The following ARHGEF40 variants were observed in gnomAD, a reference collection of about 807,000 sequenced individuals.
ARHGEF40 encodes the protein Rho guanine nucleotide exchange factor (GEF) 40.
A neutral mutation model predicts 165.9 loss-of-function variants in ARHGEF40; 98 were observed. The ratio of observed to expected loss-of-function variants is 0.59; its 90% CI spans 0.50 to 0.70. The LOEUF is 0.70. Ranked by LOEUF, ARHGEF40 falls within the 30% of genes least tolerant of loss-of-function variation. The probability of loss-of-function intolerance (pLI) is 0.00; values close to 1 mark genes in which losing one functional copy is unlikely to be tolerated. For synonymous variants in ARHGEF40, 792 were observed against 814.3 expected, an observed-to-expected ratio of 0.97 and a Z score of 0.47; for missense variants, 1,815 against 1,968.0, an observed-to-expected ratio of 0.92 and a Z score of 1.47.
chr14:21,068,709 T>C (rs1205220580), upstream of ARHGEF40, among the ~76,000 whole-genome samples: 1 of 152,116 alleles, frequency 6.6e-6, no homozygotes, highest in Non-Finnish European at 1.5e-5. Flanking sequence ...TAGCCGGGTG[T>C]TAGAAAGAGC....
intron 17 of ARHGEF40, among the ~76,000 whole-genome samples, chr14:21,084,504 C>T (rs767361460): frequency 2.6e-5 from 4 of 152,174 alleles, no homozygotes; most frequent in Non-Finnish European, 5.9e-5. Context: ...AAAGGCTTCC[C>T]CACAGGTGGC....
At position 21,073,178 on chromosome 14, in the gene ARHGEF40, G is replaced by C; in HGVS notation, c.137G>C (p.Arg46Thr). ...AGGACTTATCGGGAGGACGCACTGAGGTACACGCTGGACTTCCTGGTACCA... is the reference window on the plus strand; with the variant it reads ...AGGACTTATCGGGAGGACGCACTGACGTACACGCTGGACTTCCTGGTACCA... Reference protein sequence around the residue: ...VERTYREDALRYTLDFLVPAK... With the variant: ...VERTYREDALTYTLDFLVPAK... The change falls in exon 2 of 24, where the codon AGG (arginine) becomes ACG (threonine). Residue 46 changes from arginine (R) to threonine (T), a missense_variant. Transcript: ENST00000298694. The surrounding 1 kb of genome is among the most constrained non-coding windows in gnomAD (Gnocchi z 4.6). 1 of 1,614,062 alleles carries C rather than the reference G, an allele frequency of 6.2e-7. No individual in the cohort carries two copies. The highest frequency in any genetic ancestry group is 8.5e-7 in the Non-Finnish European group (1 of 1,179,992).
In ARHGEF40 at chr14:21,080,669, T is replaced by C; in HGVS notation, c.2383T>C (p.Trp795Arg). ...ACCCCATCTGCCTCAGGTGTTGCAG[T>C]GGCTCTCGGGCCCAGGGGAGGAGCA... ...CLRRLQQVLQ[W>R]LSGPGEEQLA... Residue 795 changes from tryptophan to arginine, a missense_variant, in exon 12 of 24, where the codon TGG (tryptophan) becomes CGG (arginine). Physicochemically the swap from Trp to Arg is moderately radical, Grantham distance 101 (BLOSUM62 -3). Coordinates refer to ENST00000298694, the MANE Select transcript of ARHGEF40 (RefSeq NM_018071.5). The C allele has an allele frequency of 6.2e-7, 1 of 1,610,410 alleles. No homozygotes were observed. Among genetic ancestry groups the C allele is most frequent in the Non-Finnish European group, 8.5e-7 (1 of 1,179,006 alleles).
At chr14:21,087,605 G>A (rs1046016997) in intron 21 of ARHGEF40, 142 bp downstream of exon 21, 7 of 1,227,838 alleles carry the variant, frequency 5.7e-6, no homozygotes, top group Non-Finnish European at 2.2e-6. Flanking sequence ...ACCGCTAAAA[G>A]AGCCTTCCAT....
At position 21,070,750 on chromosome 14, in the gene ARHGEF40, T is replaced by C; in HGVS notation, c.3+351T>C. 1 of 1,467,536 alleles carries C rather than the reference T, an allele frequency of 6.8e-7. No individual in the cohort carries two copies. Among genetic ancestry groups the C allele is most frequent in the Non-Finnish European group, 9.2e-7 (1 of 1,086,020 alleles). 90.9% of individuals were successfully genotyped at this position (1,467,536 alleles called of 1,614,324 possible). A position where few individuals can be genotyped will look rare whatever the true frequency, so the allele number is the denominator to read the frequency against. On this transcript the variant is annotated intron_variant, in intron 1 of 23. Coordinates refer to ENST00000298694, the MANE Select transcript of ARHGEF40 (RefSeq NM_018071.5). The surrounding 1 kb of genome is among the most constrained non-coding windows in gnomAD (Gnocchi z 4.7). ...CCTCCCCCTCCTGGTCCGAGCTCCTTACCCGCGGGAGACCCCTGCGGGTTG... is the reference window on the plus strand; with the variant it reads ...CCTCCCCCTCCTGGTCCGAGCTCCTCACCCGCGGGAGACCCCTGCGGGTTG...
intron 19 of ARHGEF40, 199 bp from the exon 20 acceptor site, chr14:21,086,802 G>A (rs1022643873): frequency 3.6e-6 from 2 of 553,704 alleles, no homozygotes; most frequent in African/African-American, 3.8e-5. Flanking sequence ...AGATATCTGA[G>A]GAGGAAGTCA....
rs774381857 is a variant in ARHGEF40, at chr14:21,075,050, GC to G, written c.1322del (p.Pro441GlnfsTer86). On this transcript the variant is annotated frameshift_variant, in exon 3 of 24. Transcript: ENST00000298694. LOFTEE classifies it high-confidence loss of function. The surrounding 1 kb of genome is among the most constrained non-coding windows in gnomAD (Gnocchi z 4.5). ...VKEEYEGSGK[P>X]ESEPKELKTA... ...AGGAGGAATATGAAGGCTCAGGGAA[GC>G]CAGAATCTGAGCCAAAAGAGCTCAA... 1.9e-6 allele frequency: 3 copies of G among 1,613,992 alleles called. No homozygotes were observed. The African/African-American group carries it at 4.0e-5, about 22-fold the overall frequency.
Position 21,073,909 on chromosome 14 carries a change from C to T in ARHGEF40, c.202-23C>T. 1.3e-6 allele frequency: 2 copies of T among 1,573,988 alleles called. No homozygotes were observed. Among genetic ancestry groups the T allele is most frequent in the South Asian group, 1.2e-5 (1 of 86,172 alleles). ...GGTTTCTTCAGCAGAGGCCTGAGTG[C>T]AGCCTCCCACCTCTCTCCCCAGGCC... On this transcript the variant is annotated intron_variant, in intron 2 of 23. Coordinates refer to ENST00000298694, the MANE Select transcript of ARHGEF40 (RefSeq NM_018071.5). The surrounding 1 kb of genome is among the most constrained non-coding windows in gnomAD (Gnocchi z 4.6).
chr14:21,087,638 C>T, intron 21 of ARHGEF40, 175 bp downstream of exon 21: 1 of 911,984 alleles, frequency 1.1e-6, no homozygotes, highest in Non-Finnish European at 1.6e-6. Flanking sequence ...GTGATGCTTA[C>T]AACAGCCTGT....
At chr14:21,088,901 C>T (rs1408620123) in intron 23 of ARHGEF40, 25 bp downstream of exon 23, 1 of 1,609,840 alleles carries the variant, frequency 6.2e-7, no homozygotes, top group African/African-American at 1.3e-5. Flanking sequence ...CCAATTTCTA[C>T]CACATCCAGC....
chr14:21,085,069 A>T, intron 18 of ARHGEF40, 146 bp downstream of exon 18: 1 of 1,036,244 alleles, frequency 9.7e-7, no homozygotes, highest in Non-Finnish European at 1.4e-6. Flanking sequence ...CTATCGAGTT[A>T]GGGTGTCAGG....
chr14:21,083,856 T>C lies in ARHGEF40; in HGVS notation c.3595T>C (p.Tyr1199His). Residue 1199 changes from tyrosine to histidine, a missense_variant, in exon 17 of 24, where the codon TAC becomes CAC. Tyr to His is a moderately conservative substitution (Grantham distance 83). Transcript: ENST00000298694. ...CTAGGGCTCCATGGAGGCTGGCCCT[T>C]ACCTGCCCCGAGCCCTGCAGCAGCC... is the stretch of plus-strand genomic sequence containing the variant. ...LSKGSMEAGP[Y>H]LPRALQQPLE... 1 of 1,613,840 alleles carries C rather than the reference T, an allele frequency of 6.2e-7. No individual in the cohort carries two copies. The highest frequency in any genetic ancestry group is 1.1e-5 in the South Asian group (1 of 91,054).
intron 5 of ARHGEF40, 73 bp from the exon 6 acceptor site, chr14:21,076,287 G>T: frequency 3.2e-6 from 4 of 1,259,380 alleles, no homozygotes; most frequent in Admixed American, 3.7e-5. Context: ...GACCCCGTAT[G>T]TCTGCCTTGC....
chr14:21,085,911 T>G, intron 19 of ARHGEF40, 45 bp downstream of exon 19: 2 of 1,603,096 alleles, frequency 1.2e-6, no homozygotes, highest in Non-Finnish European at 1.7e-6. Context: ...GTCAGGGTTA[T>G]AGCAGGAAGT....
At chr14:21,079,315 A>G (rs560221311) in intron 11 of ARHGEF40, among the ~76,000 whole-genome samples, 5 of 152,270 alleles carry the variant, frequency 3.3e-5, no homozygotes, top group African/African-American at 1.2e-4. Context: ...TGGAGTGCCT[A>G]CCACCTTAGC....
At position 21,078,446 on chromosome 14, in the gene ARHGEF40, G is replaced by A. The variant is rs1887608952; in HGVS notation, c.2204G>A (p.Gly735Glu). 1.2e-6 allele frequency: 2 copies of A among 1,610,256 alleles called. No homozygotes were observed. Among genetic ancestry groups the A allele is most frequent in the Non-Finnish European group, 1.7e-6 (2 of 1,177,600 alleles). Residue 735 changes from glycine (G) to glutamate (E), a missense_variant, in exon 10 of 24, where the codon GGG becomes GAG. Coordinates refer to ENST00000298694, the MANE Select transcript of ARHGEF40 (RefSeq NM_018071.5). The stretch of plus-strand genomic sequence containing the variant: ...CGGCTGACGGCACTGCAGAGGGATG[G>A]GGGGGCCATCCTGATGAGGCTGCGC... The part of the protein sequence containing the change: ...DPRLTALQRD[G>E]GAILMRLRST...
chr14:21,087,546 T>G, intron 21 of ARHGEF40, 83 bp downstream of exon 21: 1 of 1,549,518 alleles, frequency 6.5e-7, no homozygotes, highest in South Asian at 1.2e-5. Context: ...GCAATTCCTT[T>G]TTCTAGCCAA....
In ARHGEF40 at chr14:21,075,690, C is replaced by T. The variant is rs748356926; in HGVS notation, c.1664C>T (p.Pro555Leu). 7.6e-5 allele frequency: 123 copies of T among 1,613,784 alleles called. No individual in the cohort carries two copies. Among genetic ancestry groups the T allele is most frequent in the Non-Finnish European group, 9.8e-5 (116 of 1,180,000 alleles). ...SGRALLTITP[P>L]CPPEEPPPSR... ...CGAGCTCTGCTGACCATTACCCCAC[C>T]GTGCCCTCCTGAGGAGCCCCCACCC... Residue 555 changes from proline to leucine, a missense_variant, in exon 5 of 24, where the codon CCG (proline) becomes CTG (leucine). Pro to Leu is a moderately conservative substitution (Grantham distance 98). Coordinates refer to ENST00000298694, the MANE Select transcript of ARHGEF40 (RefSeq NM_018071.5). The surrounding 1 kb of genome is among the most constrained non-coding windows in gnomAD (Gnocchi z 4.5).
rs929952007 is a variant in ARHGEF40 at position 21,071,016 on chromosome 14, C to T, written c.3+617C>T. ...GGTGCTTGGGGGGGAGCTCACAGTA[C>T]CAGGGGGCGTGACACTGCCAGAGCC... On this transcript the variant is annotated intron_variant, in intron 1 of 23. Coordinates refer to ENST00000298694, the MANE Select transcript of ARHGEF40 (RefSeq NM_018071.5). The T allele has an allele frequency of 2.4e-5, 17 of 714,408 alleles. No homozygotes were observed. The Admixed American group carries it at 4.4e-4, about 18-fold the overall frequency. The allele number at this position is 714,408 out of a possible 1,614,324, so 44.3% of individuals were successfully genotyped here. A position where few individuals can be genotyped will look rare whatever the true frequency, so the allele number is the denominator to read the frequency against.
Sources: allele counts gnomAD v4.1 joint callset (sites outside exome capture counted in the v4.1 genomes callset), GRCh38; gene constraint gnomAD v4.1.1; non-coding constraint Gnocchi (gnomAD v3.1); transcripts MANE v1.5; gene names NCBI Gene and HGNC (gene_info 2026-07-23, HGNC 2026-07-21).